Variants in AGBL4 observed in about 807,000 individuals in gnomAD.
AGBL4 encodes AGBL carboxypeptidase 4, also known as cytosolic carboxypeptidase 6.
AGBL4 carries 58 observed loss-of-function variants against 66.4 expected under a neutral mutation model. That is an observed-to-expected ratio of 0.87 (90% CI 0.71 to 1.09). AGBL4 has a LOEUF of 1.09. Among genes scored for constraint, AGBL4 ranks in the 50% least tolerant of loss-of-function variants. The probability of loss-of-function intolerance (pLI) is 0.00; values close to 1 mark genes in which losing one functional copy is unlikely to be tolerated. For synonymous variants in AGBL4, 234 were observed against 222.9 expected (o/e 1.05, Z -0.44); for missense variants, 579 against 631.0 (o/e 0.92, Z 0.88).
At chr1:49,037,647 G>A (rs144488380) in intron 5 of AGBL4, among the ~76,000 whole-genome samples, 1 of 152,182 alleles carries the variant, frequency 6.6e-6, no homozygotes, top group Non-Finnish European at 1.5e-5. Flanking sequence ...CTCAAGTAAA[G>A]ATGCCTCCTT....
intron 4 of AGBL4, among the ~76,000 whole-genome samples, chr1:49,207,555 T>TTTCTTTCTTTCTTTCTTTCTTTCTTTC (rs1648302771): frequency 7.8e-6 from 1 of 128,158 alleles, no homozygotes; most frequent in African/African-American, 3.2e-5. Context: ...TCTTTCTTTC[T>TTTCTTTCTTTCTTTCTTTCTTTCTTTC]TTCTTTCTTT....
chr1:49,331,622 G>A (rs1419093879), intron 3 of AGBL4, among the ~76,000 whole-genome samples: 1 of 148,540 alleles, frequency 6.7e-6, no homozygotes, highest in Non-Finnish European at 1.5e-5. Flanking sequence ...CCAGCCACCC[G>A]GCCTGTATTC....
At chr1:48,665,945 A>G (rs1646180116) in intron 6 of AGBL4, among the ~76,000 whole-genome samples, 1 of 152,212 alleles carries the variant, frequency 6.6e-6, no homozygotes, top group African/African-American at 2.4e-5. Flanking sequence ...TGCTGACCAC[A>G]GGGAAATGCA....
chr1:49,465,210 TAC>T (rs3054630), intron 3 of AGBL4, among the ~76,000 whole-genome samples: 18,056 of 116,648 alleles, frequency 0.15, 1,191 homozygotes, highest in Non-Finnish European at 0.17. Flanking sequence ...TACCCCTACA[TAC>T]ACACACACAC....
intron 1 of AGBL4, among the ~76,000 whole-genome samples, chr1:49,858,482 T>C (rs1306260306): frequency 6.6e-6 from 1 of 152,084 alleles, no homozygotes; most frequent in South Asian, 2.1e-4. Flanking sequence ...ATATACTATT[T>C]ATAGAAAATT....
chr1:48,898,793 A>C (rs1651791551), intron 5 of AGBL4, among the ~76,000 whole-genome samples: 1 of 152,164 alleles, frequency 6.6e-6, no homozygotes, highest in South Asian at 2.1e-4. Flanking sequence ...GGTTCCATAT[A>C]TATTTTAGAA....
chr1:48,961,883 A>G (rs932612440), intron 5 of AGBL4, among the ~76,000 whole-genome samples: 2 of 152,222 alleles, frequency 1.3e-5, no homozygotes, highest in Admixed American at 1.3e-4. Context: ...CCTCACATCC[A>G]GGTCCACAGC....
intron 2 of AGBL4, among the ~76,000 whole-genome samples, chr1:49,725,759 A>C (rs1042527913): frequency 7.2e-6 from 1 of 138,526 alleles, no homozygotes; most frequent in African/African-American, 2.8e-5. Context: ...ATCTTGGCTC[A>C]CTGCAACCTC....
At chr1:49,710,912 C>A (rs1647615236) in intron 2 of AGBL4, among the ~76,000 whole-genome samples, 1 of 151,486 alleles carries the variant, frequency 6.6e-6, no homozygotes, top group Admixed American at 6.6e-5. Flanking sequence ...AAAAAATAAG[C>A]AAAAGATCTA....
At chr1:49,259,138 A>G (rs986637168) in intron 3 of AGBL4, among the ~76,000 whole-genome samples, 1 of 152,172 alleles carries the variant, frequency 6.6e-6, no homozygotes, top group African/African-American at 2.4e-5. Context: ...GCCTGCCCTA[A>G]AAGAGCTCCT....
chr1:48,562,611 A>G (rs547371944), intron 11 of AGBL4, among the ~76,000 whole-genome samples: 27 of 152,228 alleles, frequency 1.8e-4, no homozygotes, highest in Non-Finnish European at 3.2e-4. Flanking sequence ...GATGGGGTAC[A>G]AGGTATTATT....
Position 48,534,250 on chromosome 1 carries a change from G to A in AGBL4, c.1435C>T (p.Pro479Ser). 6.4e-7 allele frequency: 1 copy of A among 1,551,606 alleles called. No individual in the cohort carries two copies. Among genetic ancestry groups the A allele is most frequent in the Non-Finnish European group, 8.7e-7 (1 of 1,146,942 alleles). The change falls in exon 14 of 14, where the codon CCA becomes TCA. Residue 479 changes from proline to serine, a missense_variant. Transcript: ENST00000371839. The stretch of plus-strand genomic sequence containing the variant: ...TTGCTGTTGGGGTAGTTGCTGGCTG[G>A]GCCCCGCAGGAGTGGGTGCTTGTAA... ...PPYKHPLLRG[P>S]ASNYPNSKGD...
intron 4 of AGBL4, among the ~76,000 whole-genome samples, chr1:49,085,583 T>C (rs970901218): frequency 2.6e-5 from 4 of 151,882 alleles, no homozygotes; most frequent in African/African-American, 7.3e-5. Context: ...CTAGTGAACA[T>C]TGACTCTGCA....
intron 4 of AGBL4, among the ~76,000 whole-genome samples, chr1:49,230,492 C>T (rs997759056): frequency 6.6e-6 from 1 of 152,132 alleles, no homozygotes; most frequent in Non-Finnish European, 1.5e-5. Context: ...CTACATATAT[C>T]CTCCCCACAT....
chr1:49,649,670 T>C (rs1645962764), intron 3 of AGBL4, among the ~76,000 whole-genome samples: 1 of 152,068 alleles, frequency 6.6e-6, no homozygotes, highest in Admixed American at 6.6e-5. Flanking sequence ...AACTACTTCA[T>C]CCAACAACAG....
chr1:48,778,656 T>C (rs1645201507), intron 6 of AGBL4, among the ~76,000 whole-genome samples: 1 of 151,970 alleles, frequency 6.6e-6, no homozygotes, highest in Non-Finnish European at 1.5e-5. Flanking sequence ...TTGTATTCAT[T>C]GTGTGTGTGT....
intron 4 of AGBL4, among the ~76,000 whole-genome samples, chr1:49,155,187 A>G (rs1239575412): frequency 1.3e-5 from 2 of 152,178 alleles, no homozygotes; most frequent in Non-Finnish European, 2.9e-5. Flanking sequence ...CCCTTAAAAT[A>G]ACCTCCAATG....
intron 3 of AGBL4, among the ~76,000 whole-genome samples, chr1:49,526,699 C>T (rs1650687350): frequency 6.6e-6 from 1 of 151,928 alleles, no homozygotes; most frequent in Admixed American, 6.6e-5. Flanking sequence ...GAGTGTTCAG[C>T]AGAGGATGAC....
At chr1:49,734,309 CAGAGAG>C (rs2124723845) in intron 2 of AGBL4, among the ~76,000 whole-genome samples, 1 of 150,088 alleles carries the variant, frequency 6.7e-6, no homozygotes, top group African/African-American at 2.4e-5. Flanking sequence ...GACAGAGAGA[CAGAGAG>C]AGAGAAAGGG....
Sources: gnomAD v4.1 joint callset for allele counts (sites outside exome capture counted in the v4.1 genomes callset) on GRCh38, gnomAD v4.1.1 for gene constraint, MANE v1.5 for transcripts, NCBI Gene and HGNC (gene_info 2026-07-23, HGNC 2026-07-21) for gene names.